HDAC9: variants seen among roughly 807,000 people sequenced by gnomAD.
HDAC9 encodes the protein MEF-2 interacting transcription repressor (MITR) protein.
In HDAC9, 41 loss-of-function variants were observed where a neutral mutation model predicts 139.4. The ratio of observed to expected loss-of-function variants is 0.29; its 90% CI spans 0.23 to 0.38. HDAC9 has a LOEUF of 0.38. Ranked by LOEUF, HDAC9 falls within the 10% of genes least tolerant of loss-of-function variation. The pLI is 1.00. For synonymous variants in HDAC9, 517 were observed against 476.2 expected, an observed-to-expected ratio of 1.09 and a Z score of -1.12; for missense variants, 1,147 against 1,297.0, an observed-to-expected ratio of 0.88 and a Z score of 1.78.
intron 12 of HDAC9, among the ~76,000 whole-genome samples, chr7:18,709,029 C>A (rs1784148342): frequency 6.6e-6 from 1 of 151,590 alleles, no homozygotes; most frequent in South Asian, 2.1e-4. Flanking sequence ...TAAACGTTAA[C>A]AACAGATTCC....
intron 22 of HDAC9, among the ~76,000 whole-genome samples, chr7:18,919,215 A>G (rs1414251770): frequency 6.6e-6 from 1 of 152,046 alleles, no homozygotes; most frequent in African/African-American, 2.4e-5. Context: ...GTTGCCCCTT[A>G]TCGTGATACC....
chr7:18,278,010 C>G (rs1796859458), intron 2 of HDAC9, among the ~76,000 whole-genome samples: 1 of 152,198 alleles, frequency 6.6e-6, no homozygotes, highest in Non-Finnish European at 1.5e-5. Context: ...CTAGTGACAT[C>G]AGAACCTTCA....
intron 24 of HDAC9, among the ~76,000 whole-genome samples, chr7:18,959,430 C>T (rs1783377989): frequency 6.6e-6 from 1 of 152,056 alleles, no homozygotes; most frequent in Non-Finnish European, 1.5e-5. Context: ...TGATAATAAT[C>T]ATAACCATAG....
chr7:18,655,496 C>G (rs756446754), intron 11 of HDAC9, among the ~76,000 whole-genome samples: 13 of 152,118 alleles, frequency 8.5e-5, no homozygotes, highest in African/African-American at 2.9e-4. Context: ...AAAAAATCCA[C>G]TTATAGAATA....
chr7:18,369,687 A>G (rs74911565), intron 1 of HDAC9, among the ~76,000 whole-genome samples: 4,277 of 152,100 alleles, frequency 0.028, 94 homozygotes, highest in Non-Finnish European at 0.041. Flanking sequence ...GATATCTACT[A>G]TTGTTTTTCT....
At chr7:18,477,894 T>G (rs1248624707) in intron 1 of HDAC9, among the ~76,000 whole-genome samples, 2 of 152,080 alleles carry the variant, frequency 1.3e-5, no homozygotes, top group African/African-American at 4.8e-5. Flanking sequence ...ATTCTAATAG[T>G]TTTCATTTTA....
chr7:18,995,984 C>T, intron 25 of HDAC9, 39 bp from the exon 26 acceptor site: 1 of 1,516,598 alleles, frequency 6.6e-7, no homozygotes, highest in Non-Finnish European at 9.0e-7. Context: ...TCATTGTGTA[C>T]TCTTATGCCG....
At chr7:18,223,472 A>C (rs1792844079) in intron 2 of HDAC9, among the ~76,000 whole-genome samples, 1 of 151,596 alleles carries the variant, frequency 6.6e-6, no homozygotes, top group Admixed American at 6.6e-5. Context: ...TGAACAGAAT[A>C]CTTTAGCTTC....
chr7:18,939,737 G>C (rs754749283), intron 23 of HDAC9, among the ~76,000 whole-genome samples: 8 of 152,176 alleles, frequency 5.3e-5, no homozygotes, highest in East Asian at 1.9e-4. Context: ...ATGTCTTTCA[G>C]ATTGCGATTT....
At chr7:18,853,024 G>T (rs1296790046) in intron 21 of HDAC9, among the ~76,000 whole-genome samples, 1 of 152,148 alleles carries the variant, frequency 6.6e-6, no homozygotes, top group Non-Finnish European at 1.5e-5. Flanking sequence ...CTTCTTTTGG[G>T]TTTGGTGTGA....
In HDAC9 at chr7:18,811,850, AAGGGAG is replaced by A. The variant is rs960601457; in HGVS notation, c.2323-17296_2323-17291del. On this transcript the variant is annotated intron_variant, in intron 17 of 25. Coordinates refer to ENST00000686413, the MANE Select transcript of HDAC9 (RefSeq NM_178425.4). ...AGAGGAGGGGAGAGTAAAGGAAAGA[AAGGGAG>A]AGGGAGAGGGAGAGAGAGAAAGAGA... Among the ~76,000 whole-genome samples, 10 of 151,336 alleles carry A rather than the reference AAGGGAG, an allele frequency of 6.6e-5. No individual in the cohort carries two copies. In the East Asian group the frequency reaches 7.7e-4, roughly 12 times the overall value.
At chr7:18,764,441 A>G (rs1789651251) in intron 15 of HDAC9, among the ~76,000 whole-genome samples, 1 of 152,196 alleles carries the variant, frequency 6.6e-6, no homozygotes, top group African/African-American at 2.4e-5. Context: ...CTTAAGGTCG[A>G]GCACTAAAGT....
At chr7:18,129,501 A>G (rs1306912734) in intron 1 of HDAC9, among the ~76,000 whole-genome samples, 1 of 152,152 alleles carries the variant, frequency 6.6e-6, no homozygotes. Context: ...GTACACATAA[A>G]TTTAACTAAT....
rs1467698345 is a variant in HDAC9 at position 18,997,030 on chromosome 7, A to ATCAT, written c.*975_*978dup. 1 of 152,134 alleles carries ATCAT rather than the reference A, an allele frequency of 6.6e-6. No homozygotes were observed. Among genetic ancestry groups the ATCAT allele is most frequent in the Non-Finnish European group, 1.5e-5 (1 of 68,016 alleles). 9.4% of individuals were successfully genotyped at this position (152,134 alleles called of 1,614,324 possible). ...ATCAATTGATTTCTTCTTACCTTTCATCATTCATTCCTTCCTTTAGAAAAA... is the reference window on the plus strand; with the variant it reads ...ATCAATTGATTTCTTCTTACCTTTCATCATTCATTCATTCCTTCCTTTAGAAAAA... On this transcript the variant is annotated 3_prime_UTR_variant, in exon 26 of 26. Transcript: ENST00000686413.
At chr7:18,535,049 T>A (rs1315586457) in intron 2 of HDAC9, among the ~76,000 whole-genome samples, 1 of 152,208 alleles carries the variant, frequency 6.6e-6, no homozygotes, top group African/African-American at 2.4e-5. Context: ...TGCTTGTTGC[T>A]CACTCACTGC....
chr7:18,878,863 G>T (rs1362007365), intron 22 of HDAC9, among the ~76,000 whole-genome samples: 1 of 152,130 alleles, frequency 6.6e-6, no homozygotes, highest in East Asian at 1.9e-4. Context: ...AAGAGAGGAA[G>T]TCAAACTCCC....
At position 18,879,514 on chromosome 7, in the gene HDAC9, T is replaced by G. The variant is rs183623634; in HGVS notation, c.2803+4918T>G. On this transcript the variant is annotated intron_variant, in intron 22 of 25. Transcript: ENST00000686413. The stretch of plus-strand genomic sequence containing the variant: ...GAACCCAGAAATAAGGCCACACACC[T>G]ATGACTAACTGATCTTTGACAAAAC... Among the ~76,000 whole-genome samples, 337 of 152,178 alleles carry G rather than the reference T, an allele frequency of 2.2e-3. 1 individual carries two copies. The highest frequency in any genetic ancestry group is 7.3e-3 in the African/African-American group (305 of 41,518).
intron 2 of HDAC9, among the ~76,000 whole-genome samples, chr7:18,166,773 C>T (rs949591154): frequency 3.3e-5 from 5 of 152,120 alleles, no homozygotes; most frequent in African/African-American, 9.7e-5. Flanking sequence ...AGTGCATTAC[C>T]CACAGTGGTG....
At chr7:18,877,664 T>A (rs952227219) in intron 22 of HDAC9, among the ~76,000 whole-genome samples, 3 of 152,142 alleles carry the variant, frequency 2.0e-5, no homozygotes, top group Admixed American at 6.6e-5. Flanking sequence ...AGAAATGAAG[T>A]CAAAATAACT....
Sources: gnomAD v4.1 joint callset for allele counts (sites outside exome capture counted in the v4.1 genomes callset) on GRCh38, gnomAD v4.1.1 for gene constraint, MANE v1.5 for transcripts, NCBI Gene and HGNC (gene_info 2026-07-23, HGNC 2026-07-21) for gene names.